The following STAT3 variants were observed in gnomAD, a reference collection of about 807,000 sequenced individuals.
The protein encoded by STAT3 is signal transducer and activator of transcription 3.
In STAT3, 7 loss-of-function variants were observed where a neutral mutation model predicts 114.3. The ratio of observed to expected loss-of-function variants is 0.06; its 90% CI spans 0.03 to 0.11. The LOEUF (loss-of-function observed/expected upper bound fraction) is 0.11. Among genes scored for constraint, STAT3 ranks in the 10% least tolerant of loss-of-function variants. The pLI, the probability that STAT3 is intolerant of heterozygous loss-of-function variation, is 1.00. For missense variants in STAT3, 364 were observed against 960.9 expected (o/e 0.38, Z 8.21); for synonymous variants, 331 against 354.5 (o/e 0.93, Z 0.74).
chr17:42,359,730 T>TA (rs2083414472), intron 1 of STAT3, among the ~76,000 whole-genome samples: 1 of 152,202 alleles, frequency 6.6e-6, no homozygotes, highest in African/African-American at 2.4e-5. Context: ...GTACTATTTT[T>TA]ATCCCACTTT....
Position 42,329,396 on chromosome 17 carries a change from C to T in STAT3, c.1281+14G>A, listed in dbSNP as rs1326627722. The T allele has an allele frequency of 1.2e-6, 2 of 1,613,480 alleles. No homozygotes were observed. Among genetic ancestry groups the T allele is most frequent in the East Asian group, 2.2e-5 (1 of 44,904 alleles). On this transcript the variant is annotated intron_variant, in intron 14 of 23. Coordinates refer to ENST00000264657, the MANE Select transcript of STAT3 (RefSeq NM_139276.3). ...AAAACACCCCAGTTGTCTTTCATCC[C>T]CAACAAAACTTACATCACAATTGGC...
chr17:42,334,403 C>G (rs1011141970), intron 8 of STAT3, among the ~76,000 whole-genome samples: 50 of 150,576 alleles, frequency 3.3e-4, no homozygotes, highest in African/African-American at 1.1e-3. Context: ...GCCTGAGCCT[C>G]CTGAGAGATT....
chr17:42,356,060 G>A (rs969248299), intron 1 of STAT3, among the ~76,000 whole-genome samples: 3 of 152,048 alleles, frequency 2.0e-5, no homozygotes, highest in South Asian at 4.1e-4. Context: ...GCATACCTGT[G>A]TTTTATCTGC....
At chr17:42,343,386 T>C (rs993964651) in intron 4 of STAT3, among the ~76,000 whole-genome samples, 7 of 151,902 alleles carry the variant, frequency 4.6e-5, no homozygotes, top group Non-Finnish European at 8.8e-5. Context: ...TTCCAGATAT[T>C]TTCCCATACA....
At chr17:42,316,339 G>A (rs959703498) in intron 23 of STAT3, 4 of 359,508 alleles carry the variant, frequency 1.1e-5, no homozygotes, top group African/African-American at 2.1e-5. Flanking sequence ...AGGCTCAAGC[G>A]ATCCTCCCAC....
chr17:42,326,210 GAGA>G lies in STAT3; in HGVS notation c.1282-14_1282-12del. On this transcript the variant is annotated splice_polypyrimidine_tract_variant and intron_variant, in intron 14 of 23. Coordinates refer to ENST00000264657, the MANE Select transcript of STAT3 (RefSeq NM_139276.3). ...CACAATCAGGGAAGCCTACAGTAAC[GAGA>G]AGGACACTCTTAGGCCAGGTGTGGT... The G allele has an allele frequency of 6.2e-7, 1 of 1,612,780 alleles. No individual in the cohort carries two copies. Among genetic ancestry groups the G allele is most frequent in the Non-Finnish European group, 8.5e-7 (1 of 1,179,098 alleles).
intron 1 of STAT3, among the ~76,000 whole-genome samples, chr17:42,380,995 A>C (rs902106519): frequency 2.6e-5 from 4 of 152,224 alleles, no homozygotes; most frequent in African/African-American, 9.6e-5. Context: ...CTTGATATGC[A>C]TCATCTTGCT....
chr17:42,363,698 T>A (rs1598483159), intron 1 of STAT3, among the ~76,000 whole-genome samples: 1 of 151,292 alleles, frequency 6.6e-6, no homozygotes, highest in Non-Finnish European at 1.5e-5. Context: ...GTTGTCCTCC[T>A]ACCTCGGCCT....
intron 21 of STAT3, among the ~76,000 whole-genome samples, chr17:42,321,070 AC>A (rs1342443021): frequency 6.9e-6 from 1 of 143,936 alleles, no homozygotes; most frequent in African/African-American, 2.6e-5. Flanking sequence ...GCAGGTGTGA[AC>A]CCCCATGCCC....
intron 21 of STAT3, among the ~76,000 whole-genome samples, chr17:42,321,810 G>A (rs2081495719): frequency 6.6e-6 from 1 of 152,108 alleles, no homozygotes; most frequent in Admixed American, 6.6e-5. Context: ...GGGGACGTAT[G>A]TGTATTGATC....
intron 1 of STAT3, among the ~76,000 whole-genome samples, chr17:42,367,810 A>G (rs1406205174): frequency 6.6e-6 from 1 of 152,232 alleles, no homozygotes; most frequent in Non-Finnish European, 1.5e-5. Flanking sequence ...TTCCCCAGCA[A>G]CTACAGAATG....
At position 42,315,981 on chromosome 17, in the gene STAT3, G is replaced by T. The variant is rs17882369; in HGVS notation, c.2258-181C>A. 40,759 of 1,474,788 alleles carry T rather than the reference G, an allele frequency of 0.028. 1,575 individuals are homozygous for T. The highest frequency in any genetic ancestry group is 0.18 in the African/African-American group (13,091 of 70,838). 91.4% of individuals were successfully genotyped at this position (1,474,788 alleles called of 1,614,324 possible). ...CCTCCTCCCTGGAGGACCCTGCCTC[G>T]GGAAGGGTCCTTTCTCATTCCCACC... On this transcript the variant is annotated intron_variant, in intron 23 of 23. Transcript: ENST00000264657.
intron 14 of STAT3, among the ~76,000 whole-genome samples, chr17:42,329,026 C>T (rs1282153396): frequency 6.6e-6 from 1 of 152,134 alleles, no homozygotes; most frequent in African/African-American, 2.4e-5. Context: ...TCTATCCCAC[C>T]TCAGTGGGAG....
chr17:42,321,114 CTT>C (rs971943600), intron 21 of STAT3, among the ~76,000 whole-genome samples: 60 of 110,128 alleles, frequency 5.4e-4, no homozygotes, highest in East Asian at 4.9e-3. Flanking sequence ...ATTTCTCTCT[CTT>C]TTTTTTTTTT....
chr17:42,383,341 G>A (rs2084906771), intron 1 of STAT3, among the ~76,000 whole-genome samples: 1 of 150,316 alleles, frequency 6.7e-6, no homozygotes, highest in South Asian at 2.1e-4. Context: ...ACAGGCATCA[G>A]CCACCATGCC....
At chr17:42,350,072 G>T (rs770337057) in intron 1 of STAT3, among the ~76,000 whole-genome samples, 4 of 151,272 alleles carry the variant, frequency 2.6e-5, no homozygotes, top group South Asian at 4.2e-4. Flanking sequence ...AAAAAAAAGA[G>T]AAGTTCTAAA....
chr17:42,354,806 C>CAAAAAAAAAAAAAAAAAAAA (rs59204136), intron 1 of STAT3, among the ~76,000 whole-genome samples: 1 of 104,442 alleles, frequency 9.6e-6, no homozygotes. Flanking sequence ...GACTCTGTCT[C>CAAAAAAAAAAAAAAAAAAAA]AAAAAAAAAA....
chr17:42,340,034 C>T (rs2082375984), intron 4 of STAT3, among the ~76,000 whole-genome samples: 1 of 151,962 alleles, frequency 6.6e-6, no homozygotes, highest in Non-Finnish European at 1.5e-5. Flanking sequence ...AAAGAAATAA[C>T]AAAAAATAAA....
At chr17:42,384,643 C>T (rs1313156191) in intron 1 of STAT3, among the ~76,000 whole-genome samples, 1 of 152,016 alleles carries the variant, frequency 6.6e-6, no homozygotes, top group Non-Finnish European at 1.5e-5. Context: ...CAGCCTTAAC[C>T]CCCGGGGCTT....
Sources: gnomAD v4.1 joint callset for allele counts (sites outside exome capture counted in the v4.1 genomes callset) on GRCh38, gnomAD v4.1.1 for gene constraint, MANE v1.5 for transcripts, NCBI Gene and HGNC (gene_info 2026-07-23, HGNC 2026-07-21) for gene names.